Variants in CELF2 observed in about 807,000 individuals in gnomAD.
CELF2 encodes the protein CUGBP Elav-like family member 2, also known as CUG triplet repeat RNA-binding protein 2.
A neutral mutation model predicts 62.6 loss-of-function variants in CELF2; 8 were observed. The observed-to-expected ratio is 0.13, with a 90% CI of 0.07 to 0.23. The LOEUF (loss-of-function observed/expected upper bound fraction) is 0.23, where lower values mean the gene tolerates loss of function less well. Among genes scored for constraint, CELF2 ranks in the 10% least tolerant of loss-of-function variants. The probability of loss-of-function intolerance (pLI) is 1.00; values close to 1 mark genes in which losing one functional copy is unlikely to be tolerated. For missense variants in CELF2, 333 were observed against 671.0 expected, an observed-to-expected ratio of 0.50 and a Z score of 5.56; for synonymous variants, 258 against 250.0, an observed-to-expected ratio of 1.03 and a Z score of -0.30.
the CELF2 span, among the ~76,000 whole-genome samples, chr10:10,777,217 C>T: frequency 9.9e-5 from 15 of 152,280 alleles, no homozygotes; most frequent in South Asian, 6.2e-4. Flanking sequence ...ACACCTCGCT[C>T]GATTGATCCC....
intron 3 of CELF2, among the ~76,000 whole-genome samples, chr10:11,234,478 G>C (rs148416608): frequency 6.6e-6 from 1 of 151,940 alleles, no homozygotes; most frequent in Admixed American, 6.6e-5. Context: ...GTCAGGAGAC[G>C]GAGACCATCC....
Position 10,972,143 on chromosome 10 carries a change from A to G in CELF2, c.89+52144A>G, listed in dbSNP as rs887853615. On this transcript the variant is annotated intron_variant, in intron 2 of 13. Transcript: ENST00000636488. The surrounding 1 kb of genome is among the most constrained non-coding windows in gnomAD (Gnocchi z 4.4). ...CCTTTATGGAGTCCTCATATACTGGATTTCTCTGTGGCACTGAGCTCACAG... is the reference window on the plus strand; with the variant it reads ...CCTTTATGGAGTCCTCATATACTGGGTTTCTCTGTGGCACTGAGCTCACAG... Among the ~76,000 whole-genome samples, 1 of 152,078 alleles carries G rather than the reference A, an allele frequency of 6.6e-6. No individual in the cohort carries two copies. The highest frequency in any genetic ancestry group is 2.4e-5 in the African/African-American group (1 of 41,404).
upstream of CELF2, among the ~76,000 whole-genome samples, chr10:11,001,689 A>T (rs570614747): frequency 2.2e-4 from 34 of 152,346 alleles, no homozygotes; most frequent in Admixed American, 3.3e-4. Flanking sequence ...TTATTAGCTA[A>T]AAATGTAATT....
At chr10:10,848,102 C>A (rs1237861922) in intron 1 of CELF2, among the ~76,000 whole-genome samples, 1 of 152,146 alleles carries the variant, frequency 6.6e-6, no homozygotes, top group African/African-American at 2.4e-5. Context: ...CTATATTGTG[C>A]ATATCAGTTC....
At chr10:10,759,713 T>TAAG in the CELF2 span, among the ~76,000 whole-genome samples, 1 of 152,118 alleles carries the variant, frequency 6.6e-6, no homozygotes, top group African/African-American at 2.4e-5. Flanking sequence ...GTCATGGTGA[T>TAAG]TCTTCTAGCA....
the CELF2 span, among the ~76,000 whole-genome samples, chr10:10,497,306 C>T: frequency 1.5e-4 from 23 of 151,288 alleles, no homozygotes; most frequent in South Asian, 4.2e-4. Flanking sequence ...AAGGAGAGGA[C>T]GCAACAGAGG....
At chr10:10,780,454 CGTTTGTTTGTTT>C in the CELF2 span, among the ~76,000 whole-genome samples, 15,069 of 148,994 alleles carry the variant, frequency 0.1, 1,198 homozygotes, top group African/African-American at 0.21. Context: ...CAGAGGGAAA[CGTTTGTTTGTTT>C]GTTTGTTTGT....
In CELF2 at chr10:11,269,752, G is replaced by A. The variant is rs544664953; in HGVS notation, c.619-914G>A. 2.6e-5 allele frequency among the ~76,000 whole-genome samples: 4 copies of A among 152,266 alleles called. No individual in the cohort carries two copies. Among genetic ancestry groups the A allele is most frequent in the Non-Finnish European group, 4.4e-5 (3 of 68,026 alleles). ...TTTGGAAAGGAGGTCTTCGTGCTTG[G>A]GGTGTTAGGCCCTTATTATCCCTGA... On this transcript the variant is annotated intron_variant, in intron 6 of 12. Transcript: ENST00000633077. The surrounding 1 kb of genome is among the most constrained non-coding windows in gnomAD (Gnocchi z 4.4).
rs377371753 is a variant in CELF2 at position 11,283,678 on chromosome 10, TGATGGATG to T, written c.842-4730_842-4723del. ...GATGGGTGGATAATGGGTGGGTGGATGATGGATGGATGGATGGGTGGGTCAAATATGTC... is the reference window on the plus strand; with the variant it reads ...GATGGGTGGATAATGGGTGGGTGGATGATGGATGGGTGGGTCAAATATGTC... On this transcript the variant is annotated intron_variant, in intron 8 of 12. Coordinates refer to ENST00000633077, the MANE Select transcript of CELF2 (RefSeq NM_001326342.2). 1.9e-3 allele frequency among the ~76,000 whole-genome samples: 279 copies of T among 150,610 alleles called. 1 individual carries two copies. Among genetic ancestry groups the T allele is most frequent in the Admixed American group, 2.6e-3 (40 of 15,146 alleles).
chr10:10,466,750 G>A, the CELF2 span, among the ~76,000 whole-genome samples: 3 of 152,154 alleles, frequency 2.0e-5, no homozygotes, highest in Admixed American at 6.5e-5. Flanking sequence ...CCATTCCAAC[G>A]GGTATGTAGT....
intron 2 of CELF2, among the ~76,000 whole-genome samples, chr10:11,179,359 T>C (rs1446433291): frequency 1.3e-5 from 2 of 152,240 alleles, no homozygotes; most frequent in Non-Finnish European, 2.9e-5. Context: ...TAAGTATCTT[T>C]ATGCAAATAA....
At chr10:11,274,221 A>G (rs2085086957) in intron 7 of CELF2, among the ~76,000 whole-genome samples, 1 of 152,184 alleles carries the variant, frequency 6.6e-6, no homozygotes, top group Non-Finnish European at 1.5e-5. Context: ...CTTACCAAAA[A>G]GAAGATCCAT....
chr10:11,114,826 C>T lies in CELF2; in HGVS notation c.75-50660C>T, dbSNP rs188762183. On this transcript the variant is annotated intron_variant, in intron 1 of 12. Coordinates refer to ENST00000633077, the MANE Select transcript of CELF2 (RefSeq NM_001326342.2). ...ACAGAAGATGCGATCATTTATTATA[C>T]GATTTTGAGTTCTGATCAACCAAAA... 7.9e-5 allele frequency among the ~76,000 whole-genome samples: 12 copies of T among 152,304 alleles called. No homozygotes were observed. In the East Asian group the frequency reaches 1.9e-3, roughly 25 times the overall value.
the CELF2 span, among the ~76,000 whole-genome samples, chr10:10,491,344 C>G: frequency 1.4e-3 from 208 of 152,318 alleles, no homozygotes; most frequent in Non-Finnish European, 2.6e-3. Context: ...CATATCCATT[C>G]TAAAATATGA....
At chr10:11,201,009 G>A (rs1477707454) in intron 2 of CELF2, among the ~76,000 whole-genome samples, 1 of 152,220 alleles carries the variant, frequency 6.6e-6, no homozygotes, top group Admixed American at 6.5e-5. Flanking sequence ...CATCAAGAAA[G>A]TGTAAATGTG....
chr10:10,666,655 G>C, the CELF2 span, among the ~76,000 whole-genome samples: 1 of 77,362 alleles, frequency 1.3e-5, no homozygotes, highest in African/African-American at 6.5e-5. Context: ...GAGGTCAGGA[G>C]ATCGAGACCA....
Position 11,246,723 on chromosome 10 carries a change from C to G in CELF2, c.355-2430C>G, listed in dbSNP as rs1270867580. ...TTGGACTCCTCTTTCCTGGTATTCT[C>G]TGCAGTTCTGTCCTCGGCTCTCAGC... On this transcript the variant is annotated intron_variant, in intron 3 of 12. Transcript: ENST00000633077. This position sits in a 1 kb window ranked among gnomAD's most constrained non-coding sequence, Gnocchi z 4.6. Among the ~76,000 whole-genome samples the G allele has an allele frequency of 2.0e-5, 3 of 152,186 alleles. No homozygotes were observed. Among genetic ancestry groups the G allele is most frequent in the Non-Finnish European group, 4.4e-5 (3 of 68,040 alleles).
At chr10:11,128,007 G>GT (rs780986764) in intron 1 of CELF2, among the ~76,000 whole-genome samples, 25 of 152,132 alleles carry the variant, frequency 1.6e-4, no homozygotes, top group Non-Finnish European at 2.5e-4. Context: ...GGTTTTTATG[G>GT]TTTTGGGTCT....
rs2066932250 is a variant in CELF2, at chr10:11,165,817, T to C, written c.271+135T>C. ...GGAAGCAGCCGGTGCTGGCGGCCCC[T>C]GTGCTCCAGGGGCTGCTCCCGACTC... On this transcript the variant is annotated intron_variant, in intron 2 of 12. Coordinates refer to ENST00000633077, the MANE Select transcript of CELF2 (RefSeq NM_001326342.2). The surrounding 1 kb of genome is among the most constrained non-coding windows in gnomAD (Gnocchi z 7.4). 2 of 818,880 alleles carry C rather than the reference T, an allele frequency of 2.4e-6. No homozygotes were observed. Among genetic ancestry groups the C allele is most frequent in the Non-Finnish European group, 3.7e-6 (2 of 540,824 alleles). The allele number at this position is 818,880 out of a possible 1,614,324, so 50.7% of individuals were successfully genotyped here. A position where few individuals can be genotyped will look rare whatever the true frequency, so the allele number is the denominator to read the frequency against.
Sources: gnomAD v4.1 joint callset for allele counts (sites outside exome capture counted in the v4.1 genomes callset) on GRCh38, gnomAD v4.1.1 for gene constraint, Gnocchi (gnomAD v3.1) non-coding constraint, MANE v1.5 for transcripts, NCBI Gene and HGNC (gene_info 2026-07-23, HGNC 2026-07-21) for gene names.